Variants in GNG2 observed in about 807,000 individuals in gnomAD.
The protein encoded by GNG2 is G protein subunit gamma 2.
GNG2 carries 5 observed loss-of-function variants against 5.5 expected under a neutral mutation model. The observed-to-expected ratio is 0.91, with a 90% CI of 0.48 to 1.92. GNG2 has a LOEUF of 1.92. GNG2 is among the 30% of genes most tolerant of loss of function. GNG2 has a pLI of 0.01. For synonymous variants in GNG2, 28 were observed against 32.0 expected (o/e 0.88, Z 0.42); for missense variants, 55 against 88.4 (o/e 0.62, Z 1.52).
At chr14:51,899,018 C>A (rs1885380009) in intron 2 of GNG2, among the ~76,000 whole-genome samples, 1 of 152,150 alleles carries the variant, frequency 6.6e-6, no homozygotes, top group East Asian at 1.9e-4. Flanking sequence ...CTGATAGTGC[C>A]TTGTTGAGCT....
intron 2 of GNG2, among the ~76,000 whole-genome samples, chr14:51,891,419 T>C (rs1170059081): frequency 6.6e-6 from 1 of 152,242 alleles, no homozygotes; most frequent in Non-Finnish European, 1.5e-5. Context: ...TGTGTGTATA[T>C]GTAAAATATC....
intron 2 of GNG2, among the ~76,000 whole-genome samples, chr14:51,914,463 G>A (rs2140209480): frequency 6.6e-6 from 1 of 152,314 alleles, no homozygotes; most frequent in South Asian, 2.1e-4. Flanking sequence ...TTTGGCACGA[G>A]GTTTGGTAAA....
At chr14:51,957,751 G>A (rs780755502) in intron 3 of GNG2, among the ~76,000 whole-genome samples, 2 of 152,132 alleles carry the variant, frequency 1.3e-5, no homozygotes, top group Non-Finnish European at 2.9e-5. Flanking sequence ...GAGTTGTCCT[G>A]TCTGGCACAG....
intron 2 of GNG2, among the ~76,000 whole-genome samples, chr14:51,854,005 C>T (rs1322825263): frequency 6.6e-6 from 1 of 151,874 alleles, no homozygotes; most frequent in Non-Finnish European, 1.5e-5. Flanking sequence ...ATTCTCCTGC[C>T]CCAGCCTCCC....
intron 2 of GNG2, among the ~76,000 whole-genome samples, chr14:51,922,401 C>G (rs1270904809): frequency 6.6e-6 from 1 of 152,120 alleles, no homozygotes; most frequent in Non-Finnish European, 1.5e-5. Context: ...GCACTAGAGT[C>G]TCTCAGTGTT....
At chr14:51,908,696 A>G (rs972167723) in intron 2 of GNG2, among the ~76,000 whole-genome samples, 8 of 142,916 alleles carry the variant, frequency 5.6e-5, no homozygotes, top group Admixed American at 7.2e-5. Context: ...CAGCTTCCTT[A>G]GTGGCTAGGA....
Position 51,828,387 on chromosome 14 carries a change from T to C in GNG2, c.64+580T>C, listed in dbSNP as rs181789832. Among the ~76,000 whole-genome samples, 21 of 152,212 alleles carry C rather than the reference T, an allele frequency of 1.4e-4. No individual in the cohort carries two copies. The East Asian group carries it at 4.1e-3, about 29-fold the overall frequency. Reference sequence around the variant, plus strand: ...TGGTTCCAGGGCACAATTGTTATCATAAAGGAAAGCAGGACCAGAAGAACC... The same window carrying C: ...TGGTTCCAGGGCACAATTGTTATCACAAAGGAAAGCAGGACCAGAAGAACC... On this transcript the variant is annotated intron_variant, in intron 2 of 3. Transcript: ENST00000553432.
At chr14:51,940,848 C>T (rs1360329045) in intron 2 of GNG2, among the ~76,000 whole-genome samples, 4 of 152,140 alleles carry the variant, frequency 2.6e-5, no homozygotes, top group Admixed American at 6.5e-5. Flanking sequence ...TGACAAACAA[C>T]GACCCTGAAA....
intron 2 of GNG2, among the ~76,000 whole-genome samples, chr14:51,884,567 T>A (rs999717280): frequency 2.0e-5 from 3 of 152,178 alleles, no homozygotes; most frequent in African/African-American, 7.2e-5. Flanking sequence ...ACATGGTAAC[T>A]GTGAGGAAGA....
intron 1 of GNG2, among the ~76,000 whole-genome samples, chr14:51,826,860 T>C (rs761373043): frequency 6.6e-6 from 1 of 152,164 alleles, no homozygotes; most frequent in Non-Finnish European, 1.5e-5. Flanking sequence ...AAAAGACCCA[T>C]AAATAAGCAC....
intron 1 of GNG2, among the ~76,000 whole-genome samples, chr14:51,872,118 C>T (rs76391818): frequency 0.022 from 3,387 of 152,294 alleles, 108 homozygotes; most frequent in African/African-American, 0.07. Context: ...TGCTAAACCG[C>T]AGTGGACATG....
intron 1 of GNG2, among the ~76,000 whole-genome samples, chr14:51,864,545 C>A (rs1882742907): frequency 6.6e-6 from 1 of 152,138 alleles, no homozygotes; most frequent in East Asian, 1.9e-4. Context: ...CATTTGAAAT[C>A]AAAAGGACAG....
At chr14:51,951,229 T>C (rs1354278101) in intron 3 of GNG2, among the ~76,000 whole-genome samples, 1 of 152,206 alleles carries the variant, frequency 6.6e-6, no homozygotes, top group Non-Finnish European at 1.5e-5. Flanking sequence ...TGAATTTTTT[T>C]CCTGCAAACA....
At chr14:51,831,803 G>A (rs1881199685) in intron 2 of GNG2, among the ~76,000 whole-genome samples, 1 of 152,096 alleles carries the variant, frequency 6.6e-6, no homozygotes, top group Non-Finnish European at 1.5e-5. Context: ...CATTTAAAAA[G>A]TAATATAAAA....
chr14:51,912,596 G>A (rs1311141788), intron 2 of GNG2, among the ~76,000 whole-genome samples: 1 of 152,164 alleles, frequency 6.6e-6, no homozygotes, highest in Non-Finnish European at 1.5e-5. Flanking sequence ...GGCTTCTTCA[G>A]ACAAACCAGA....
intron 2 of GNG2, among the ~76,000 whole-genome samples, chr14:51,880,361 AATAAC>A (rs1359100307): frequency 2.6e-5 from 4 of 152,184 alleles, no homozygotes; most frequent in African/African-American, 9.7e-5. Context: ...TGGAGGAAAA[AATAAC>A]ATAATAATAC....
intron 3 of GNG2, 133 bp from the exon 4 acceptor site, chr14:51,966,426 C>A (rs1456581478): frequency 4.0e-6 from 3 of 747,958 alleles, no homozygotes; most frequent in Non-Finnish European, 6.9e-6. Flanking sequence ...GATGAGGAAG[C>A]AGAAGCTTTT....
intron 1 of GNG2, chr14:51,873,926 G>C (rs528283209): frequency 1.3e-5 from 2 of 152,272 alleles, no homozygotes; most frequent in African/African-American, 4.8e-5. Context: ...ATGCAGGCCT[G>C]TGGGATACAA....
chr14:51,948,159 T>C (rs1888748981), intron 2 of GNG2, among the ~76,000 whole-genome samples: 1 of 152,226 alleles, frequency 6.6e-6, no homozygotes, highest in African/African-American at 2.4e-5. Flanking sequence ...AACTTAGTCA[T>C]GTAACTATAC....
Sources: allele counts gnomAD v4.1 joint callset (sites outside exome capture counted in the v4.1 genomes callset), GRCh38; gene constraint gnomAD v4.1.1; transcripts MANE v1.5; gene names NCBI Gene and HGNC (gene_info 2026-07-23, HGNC 2026-07-21).